Variants in BAIAP3 observed in about 807,000 individuals in gnomAD.
BAIAP3 encodes the protein BAI1 associated protein 3, also known as BAI1-associated protein 3.
In BAIAP3, 180 loss-of-function variants were observed where a neutral mutation model predicts 149.7. The ratio of observed to expected loss-of-function variants is 1.20; its 90% CI spans 1.07 to 1.36. The LOEUF is 1.36. BAIAP3 is among the 40% of genes most tolerant of loss of function. The probability of loss-of-function intolerance (pLI) is 0.00; values close to 1 mark genes in which losing one functional copy is unlikely to be tolerated. For synonymous variants in BAIAP3, 845 were observed against 670.7 expected, an observed-to-expected ratio of 1.26 and a Z score of -4.02; for missense variants, 1,767 against 1,563.4, an observed-to-expected ratio of 1.13 and a Z score of -2.20.
chr16:1,336,998 CCT>C (rs2033497561), intron 1 of BAIAP3, among the ~76,000 whole-genome samples: 2 of 152,102 alleles, frequency 1.3e-5, no homozygotes, highest in African/African-American at 4.8e-5. Context: ...AGAGTGGGTA[CCT>C]CTCTTGTGGT....
rs764622116 is a variant in BAIAP3, at chr16:1,341,000, G to C, written c.468+19G>C. 6.2e-7 allele frequency: 1 copy of C among 1,605,480 alleles called. No homozygotes were observed. The highest frequency in any genetic ancestry group is 1.3e-5 in the African/African-American group (1 of 74,728). ...GGCCAAGGTGAGGCCGCCACTGCCT[G>C]GGCAGGCACTGACCAGCACGTGCCT... On this transcript the variant is annotated intron_variant, in intron 6 of 33. Transcript: ENST00000426824.
intron 1 of BAIAP3, among the ~76,000 whole-genome samples, chr16:1,337,851 C>G (rs1025407680): frequency 6.6e-6 from 1 of 152,208 alleles, no homozygotes; most frequent in Non-Finnish European, 1.5e-5. Flanking sequence ...GGAGCAGGCC[C>G]TGCTTTGTGG....
At chr16:1,338,837 A>G in intron 2 of BAIAP3, 65 bp from the exon 3 acceptor site, 1 of 1,598,770 alleles carries the variant, frequency 6.3e-7, no homozygotes, top group South Asian at 1.1e-5. Flanking sequence ...CTGCCCCTGG[A>G]GTCGAGGGTC....
intron 5 of BAIAP3, among the ~76,000 whole-genome samples, chr16:1,340,661 G>A (rs1407787030): frequency 1.3e-5 from 2 of 152,206 alleles, no homozygotes; most frequent in Non-Finnish European, 2.9e-5. Flanking sequence ...CCACCTGCAT[G>A]TGCTCTGAAC....
chr16:1,341,987 G>T lies in BAIAP3; in HGVS notation c.778G>T (p.Asp260Tyr). The T allele has an allele frequency of 6.3e-7, 1 of 1,595,304 alleles. No individual in the cohort carries two copies. The highest frequency in any genetic ancestry group is 1.1e-5 in the South Asian group (1 of 88,376). The part of the protein sequence containing the change: ...STDQLHLDIW[D>Y]HDDDVSLVEA... ...CAGGTCCTCCCCTGTCCCCACCAGG[G>T]ATCATGACGACGATGTATCCCTGGT... Residue 260 changes from aspartate to tyrosine, a missense_variant and splice_region_variant, in exon 10 of 34, where the codon GAT (aspartate) becomes TAT (tyrosine). Transcript: ENST00000426824.
chr16:1,346,900 G>A lies in BAIAP3; in HGVS notation c.2696G>A (p.Gly899Asp), dbSNP rs770505999. Residue 899 changes from glycine to aspartate, a missense_variant, in exon 28 of 34, where the codon GGT (glycine) becomes GAT (aspartate). Transcript: ENST00000426824. The part of the protein sequence containing the change: ...LLLQAILQAL[G>D]ANRDVSADFY... ...CTCCAGGCCATTCTGCAGGCGCTGGGTGCAAACCGTGACGTCTCTGCTGAT... is the reference window on the plus strand; with the variant it reads ...CTCCAGGCCATTCTGCAGGCGCTGGATGCAAACCGTGACGTCTCTGCTGAT... 1 of 1,608,936 alleles carries A rather than the reference G, an allele frequency of 6.2e-7. No homozygotes were observed. The highest frequency in any genetic ancestry group is 1.1e-5 in the South Asian group (1 of 90,860).
chr16:1,346,535 G>A (rs1323811178), intron 26 of BAIAP3, 25 bp downstream of exon 26: 2 of 1,597,040 alleles, frequency 1.3e-6, no homozygotes, highest in Admixed American at 1.7e-5. Context: ...GAGGGGCCGT[G>A]GAGGACTGTG....
At chr16:1,333,838 C>T (rs535773008) in intron 1 of BAIAP3, 89 bp downstream of exon 1, 16 of 152,068 alleles carry the variant, frequency 1.1e-4, no homozygotes, top group African/African-American at 3.9e-4. Context: ...CGGCCGCCGC[C>T]CCCTTGGTCC....
chr16:1,346,326 G>C lies in BAIAP3; in HGVS notation c.2458G>C (p.Glu820Gln), dbSNP rs1196646126. ...GGCCCTGGACGATGATCTGCAACGG[G>C]AGGCCCACACGGTGACAGCGCACCT... The part of the protein sequence containing the change: ...TQALDDDLQR[E>Q]AHTVTAHLTS... Residue 820 changes from glutamate (E) to glutamine (Q), a missense_variant, in exon 25 of 34, where the codon GAG becomes CAG. Physicochemically the swap from Glu to Gln is conservative, Grantham distance 29. Transcript: ENST00000426824. The C allele has an allele frequency of 6.2e-7, 1 of 1,604,236 alleles. No homozygotes were observed. Among genetic ancestry groups the C allele is most frequent in the South Asian group, 1.1e-5 (1 of 90,790 alleles).
intron 1 of BAIAP3, chr16:1,336,327 AC>A: frequency 1.0e-6 from 1 of 985,278 alleles, no homozygotes; most frequent in Non-Finnish European, 1.2e-6. Context: ...GAAGCACTGT[AC>A]CCAGCCTACC....
Position 1,346,637 on chromosome 16 carries a change from G to A in BAIAP3, c.2595G>A (p.Glu865=). The A allele has an allele frequency of 6.6e-7, 1 of 1,511,730 alleles. No homozygotes were observed. Among genetic ancestry groups the A allele is most frequent in the Non-Finnish European group, 8.9e-7 (1 of 1,125,150 alleles). The allele number at this position is 1,511,730 out of a possible 1,614,324, so 93.6% of individuals were successfully genotyped here. The change falls in exon 27 of 34, where the codon GAG becomes GAA. Residue 865 remains glutamate (E), a synonymous_variant. Transcript: ENST00000426824. ...CCCCGCTCATGAAGTACCTGGATGA[G>A]AAGCTGGCCCTGCTGAACGCCTCGC... The part of the protein sequence containing the change: ...AVAPLMKYLD[E]KLALLNASLV...
At position 1,339,057 on chromosome 16, in the gene BAIAP3, C is replaced by T. The variant is rs867882673; in HGVS notation, c.219+68C>T. ...GGGGCTCCCCCTTTGCTCCTCCCCG[C>T]TCCCTCCTGCCCTCGCTCCCACCTC... is the stretch of plus-strand genomic sequence containing the variant. On this transcript the variant is annotated intron_variant, in intron 3 of 33. Transcript: ENST00000426824. The T allele has an allele frequency of 2.6e-5, 41 of 1,605,188 alleles. No individual in the cohort carries two copies. The Middle Eastern group carries it at 2.2e-3, about 84-fold the overall frequency.
intron 14 of BAIAP3, 59 bp from the exon 15 acceptor site, chr16:1,343,334 C>G: frequency 6.4e-7 from 1 of 1,555,232 alleles, no homozygotes; most frequent in Non-Finnish European, 8.7e-7. Context: ...GTAGGCGGTG[C>G]TGAGTGGGCA....
intron 14 of BAIAP3, 178 bp downstream of exon 14, chr16:1,343,194 T>C: frequency 9.4e-7 from 1 of 1,059,048 alleles, no homozygotes; most frequent in Non-Finnish European, 1.4e-6. Context: ...GTGCTACGGG[T>C]AGGTGAGGCA....
rs751012941 is a variant in BAIAP3 at position 1,344,540 on chromosome 16, G to T, written c.1659+15G>T. 6.2e-7 allele frequency: 1 copy of T among 1,612,744 alleles called. No homozygotes were observed. Among genetic ancestry groups the T allele is most frequent in the South Asian group, 1.1e-5 (1 of 91,056 alleles). On this transcript the variant is annotated intron_variant, in intron 18 of 33. Coordinates refer to ENST00000426824, the MANE Select transcript of BAIAP3 (RefSeq NM_001199097.2). Reference sequence around the variant, plus strand: ...CCCGAGAGCAGGTGCAGTTGTGGGGGACCCTGGCCATGAGGGGTACGGGCA... The same window carrying T: ...CCCGAGAGCAGGTGCAGTTGTGGGGTACCCTGGCCATGAGGGGTACGGGCA...
intron 15 of BAIAP3, 33 bp downstream of exon 15, chr16:1,343,546 G>A (rs1176162174): frequency 8.7e-6 from 14 of 1,601,448 alleles, no homozygotes; most frequent in Non-Finnish European, 1.2e-5. Context: ...TGCCAGCCAT[G>A]GCGAAGGGAG....
rs2033959744 is a variant in BAIAP3, at chr16:1,342,066, A to G, written c.854+3A>G. The stretch of plus-strand genomic sequence containing the variant: ...ATCGGCCTGAAGGGCATGGGCAGGT[A>G]TGACTGCTGGGACCTTTCTACCCAT... On this transcript the variant is annotated splice_donor_region_variant and intron_variant, in intron 10 of 33. Transcript: ENST00000426824. 1.9e-6 allele frequency: 3 copies of G among 1,600,036 alleles called. No individual in the cohort carries two copies. The highest frequency in any genetic ancestry group is 1.3e-5 in the African/African-American group (1 of 74,582).
intron 4 of BAIAP3, 92 bp downstream of exon 4, chr16:1,339,336 G>A (rs2033693323): frequency 1.3e-6 from 2 of 1,518,062 alleles, no homozygotes; most frequent in African/African-American, 1.4e-5. Context: ...AGGGTCTGGT[G>A]ATGGCAGAGA....
At position 1,338,530 on chromosome 16, in the gene BAIAP3, T is replaced by C. The variant is rs376574488; in HGVS notation, c.-10-10T>C. On this transcript the variant is annotated splice_polypyrimidine_tract_variant and intron_variant, in intron 1 of 33. Coordinates refer to ENST00000426824, the MANE Select transcript of BAIAP3 (RefSeq NM_001199097.2). ...CGACCTGAGGCTGCGGGCTGTGCTC[T>C]CTGCTGTAGGTCACCCGCCATGTCG... 1.3e-5 allele frequency: 19 copies of C among 1,442,102 alleles called. No homozygotes were observed. Among genetic ancestry groups the C allele is most frequent in the Non-Finnish European group, 1.8e-5 (19 of 1,073,132 alleles). 89.3% of individuals were successfully genotyped at this position (1,442,102 alleles called of 1,614,324 possible).
Sources: allele counts gnomAD v4.1 joint callset (sites outside exome capture counted in the v4.1 genomes callset), GRCh38; gene constraint gnomAD v4.1.1; transcripts MANE v1.5; gene names NCBI Gene and HGNC (gene_info 2026-07-23, HGNC 2026-07-21).